Variants in QTMAN observed in about 807,000 individuals in gnomAD.
QTMAN encodes tRNA-queuosine alpha-mannosyltransferase.
At chr2:144,260,757 T>C in the QTMAN span, among the ~76,000 whole-genome samples, 1 of 152,066 alleles carries the variant, frequency 6.6e-6, no homozygotes, top group Non-Finnish European at 1.5e-5. Context: ...ATGAAAAGCA[T>C]TGTTCTCATA....
At chr2:143,938,714 T>A in the QTMAN span, 1 of 152,240 alleles carries the variant, frequency 6.6e-6, no homozygotes, top group Admixed American at 6.5e-5. Context: ...GTCCTTTTTT[T>A]AAATGTGGTT....
chr2:144,090,006 A>C, the QTMAN span, among the ~76,000 whole-genome samples: 1 of 152,052 alleles, frequency 6.6e-6, no homozygotes, highest in Non-Finnish European at 1.5e-5. Flanking sequence ...AATTTAAAAA[A>C]TATATGTCCA....
the QTMAN span, chr2:143,947,121 C>T: frequency 9.9e-6 from 16 of 1,613,206 alleles, no homozygotes; most frequent in African/African-American, 2.7e-5. Flanking sequence ...CCCAAGAAAA[C>T]GGAGCGATTT....
chr2:144,269,578 A>G, the QTMAN span, among the ~76,000 whole-genome samples: 3 of 152,180 alleles, frequency 2.0e-5, no homozygotes, highest in East Asian at 1.9e-4. Flanking sequence ...AAAGATACCA[A>G]TTATAACTGA....
At chr2:144,094,439 G>C in the QTMAN span, among the ~76,000 whole-genome samples, 1 of 152,140 alleles carries the variant, frequency 6.6e-6, no homozygotes, top group Non-Finnish European at 1.5e-5. Context: ...CCAAGACTGA[G>C]TAATTTCTTT....
chr2:144,095,358 C>T, the QTMAN span, among the ~76,000 whole-genome samples: 1 of 152,154 alleles, frequency 6.6e-6, no homozygotes, highest in Non-Finnish European at 1.5e-5. Context: ...AATTGTCTAA[C>T]TGAATTCAAC....
the QTMAN span, among the ~76,000 whole-genome samples, chr2:144,082,226 C>G: frequency 1.3e-5 from 2 of 152,094 alleles, no homozygotes; most frequent in South Asian, 2.1e-4. Flanking sequence ...CAACAAAAAG[C>G]CCCTTCTGCT....
the QTMAN span, among the ~76,000 whole-genome samples, chr2:144,243,025 T>C: frequency 1.4e-5 from 2 of 141,422 alleles, no homozygotes; most frequent in South Asian, 4.7e-4. Context: ...ATCATAATCA[T>C]CACCTCACAA....
chr2:144,106,663 A>C, the QTMAN span, among the ~76,000 whole-genome samples: 1 of 152,166 alleles, frequency 6.6e-6, no homozygotes, highest in African/African-American at 2.4e-5. Context: ...AATGGAAGAC[A>C]TTAACACCCC....
the QTMAN span, among the ~76,000 whole-genome samples, chr2:144,055,328 CACACAG>C: frequency 7.6e-5 from 11 of 144,906 alleles, no homozygotes; most frequent in African/African-American, 2.7e-4. Context: ...CACACACAGA[CACACAG>C]ACACACACAC....
the QTMAN span, among the ~76,000 whole-genome samples, chr2:144,247,414 T>A: frequency 1.3e-5 from 2 of 152,184 alleles, no homozygotes; most frequent in Non-Finnish European, 2.9e-5. Context: ...TACAATATGC[T>A]CATCTATGAA....
the QTMAN span, among the ~76,000 whole-genome samples, chr2:144,097,530 C>A: frequency 6.6e-6 from 1 of 152,120 alleles, no homozygotes; most frequent in East Asian, 1.9e-4. Context: ...CACTTGTTTT[C>A]AAACCTATTC....
At chr2:144,118,995 T>C in the QTMAN span, among the ~76,000 whole-genome samples, 7 of 152,196 alleles carry the variant, frequency 4.6e-5, no homozygotes, top group African/African-American at 9.7e-5. Context: ...GGATGCCTTG[T>C]TGGCCCAAAT....
chr2:144,048,082 G>A, the QTMAN span, among the ~76,000 whole-genome samples: 2 of 152,174 alleles, frequency 1.3e-5, no homozygotes, highest in African/African-American at 2.4e-5. Flanking sequence ...CACAAAGTAC[G>A]TACTAAGTGT....
At chr2:143,955,807 T>C in the QTMAN span, among the ~76,000 whole-genome samples, 1 of 152,218 alleles carries the variant, frequency 6.6e-6, no homozygotes, top group Non-Finnish European at 1.5e-5. Flanking sequence ...AAAAACCTAA[T>C]TGCACACTTT....
chr2:144,102,311 C>A, the QTMAN span, among the ~76,000 whole-genome samples: 2 of 152,178 alleles, frequency 1.3e-5, no homozygotes, highest in African/African-American at 4.8e-5. Context: ...GTGAAATGCC[C>A]TGCTGATGTC....
At chr2:144,285,267 G>A in the QTMAN span, among the ~76,000 whole-genome samples, 3 of 152,028 alleles carry the variant, frequency 2.0e-5, no homozygotes, top group Non-Finnish European at 4.4e-5. Flanking sequence ...TAACTTCTAA[G>A]TATCTAAATA....
At chr2:144,264,386 C>A in the QTMAN span, among the ~76,000 whole-genome samples, 36 of 152,272 alleles carry the variant, frequency 2.4e-4, no homozygotes, top group African/African-American at 7.9e-4. Flanking sequence ...TCCTTTCTAG[C>A]CTATTTCCCA....
At chr2:143,981,915 C>CT in the QTMAN span, among the ~76,000 whole-genome samples, 4 of 152,136 alleles carry the variant, frequency 2.6e-5, no homozygotes, top group Non-Finnish European at 5.9e-5. Flanking sequence ...GGATAAATCT[C>CT]TATTACTCTA....
Sources: allele counts gnomAD v4.1 joint callset (sites outside exome capture counted in the v4.1 genomes callset), GRCh38; gene constraint gnomAD v4.1.1; transcripts MANE v1.5; gene names NCBI Gene and HGNC (gene_info 2026-07-23, HGNC 2026-07-21).